ALDH18A1: variants seen among roughly 807,000 people sequenced by gnomAD.
The protein encoded by ALDH18A1 is aldehyde dehydrogenase 18 family member A1, also known as delta-1-pyrroline-5-carboxylate synthase.
In ALDH18A1, 44 loss-of-function variants were observed where a neutral mutation model predicts 88.8. The observed-to-expected ratio is 0.50, with a 90% CI of 0.39 to 0.64. The LOEUF (loss-of-function observed/expected upper bound fraction) is 0.64, where lower values mean the gene tolerates loss of function less well. Ranked by LOEUF, ALDH18A1 falls within the 30% of genes least tolerant of loss-of-function variation. The pLI, the probability that ALDH18A1 is intolerant of heterozygous loss-of-function variation, is 0.00. For missense variants in ALDH18A1, 782 were observed against 1,009.5 expected (o/e 0.77, Z 3.05); for synonymous variants, 331 against 372.1 (o/e 0.89, Z 1.27).
rs1239348462 is a variant in ALDH18A1, at chr10:95,627,524, G to GCCAA, written c.995_996insTTGG (p.Pro333TrpfsTer33). ...TGATGACGTGCCCAGACACCTTTGG[G>GCCAA]TGGGTTCCATTGGCAATAACAACAG... On this transcript the variant is annotated frameshift_variant, in exon 9 of 18. Transcript: ENST00000371224. LOFTEE classifies it high-confidence loss of function. 1 of 1,614,120 alleles carries GCCAA rather than the reference G, an allele frequency of 6.2e-7. No homozygotes were observed. Among genetic ancestry groups the GCCAA allele is most frequent in the Non-Finnish European group, 8.5e-7 (1 of 1,179,994 alleles).
Position 95,611,245 on chromosome 10 carries a change from T to C in ALDH18A1, c.2110+11A>G. On this transcript the variant is annotated intron_variant, in intron 16 of 17. Transcript: ENST00000371224. ...GCAGACACTGTATGCGGGAAGCATC[T>C]GGACACTGACCGTCCTCTGTGACGA... 2 of 1,613,652 alleles carry C rather than the reference T, an allele frequency of 1.2e-6. No homozygotes were observed. Among genetic ancestry groups the C allele is most frequent in the Non-Finnish European group, 1.7e-6 (2 of 1,179,912 alleles).
intron 11 of ALDH18A1, among the ~76,000 whole-genome samples, chr10:95,622,230 G>C (rs896908699): frequency 6.6e-6 from 1 of 152,098 alleles, no homozygotes; most frequent in African/African-American, 2.4e-5. Context: ...CAGGGTCTCA[G>C]TGTGCCGCCC....
intron 2 of ALDH18A1, 117 bp from the exon 3 acceptor site, chr10:95,643,323 T>C: frequency 9.8e-7 from 1 of 1,023,848 alleles, no homozygotes; most frequent in East Asian, 2.6e-5. Context: ...ATTATCATTA[T>C]TAACTGTGTA....
At position 95,628,425 on chromosome 10, in the gene ALDH18A1, C is replaced by T. The variant is rs1456575276; in HGVS notation, c.876G>A (p.Gln292=). The T allele has an allele frequency of 6.2e-7, 1 of 1,614,142 alleles. No homozygotes were observed. The highest frequency in any genetic ancestry group is 2.2e-5 in the East Asian group (1 of 44,888). The change falls in exon 8 of 18, where the codon CAG becomes CAA. Residue 292 remains glutamine, a synonymous_variant. Transcript: ENST00000371224. ...ACTTGGTTCCAAATGTCACAGACTG[C>T]TGATCTCCGGGATAAAATATATCAA... ...KLIDIFYPGD[Q]QSVTFGTKSR...
chr10:95,630,881 G>C (rs1291098526), intron 7 of ALDH18A1, among the ~76,000 whole-genome samples: 1 of 152,182 alleles, frequency 6.6e-6, no homozygotes, highest in African/African-American at 2.4e-5. Context: ...TTGACATGTA[G>C]GTGTCGTATC....
rs1353269310 is a variant in ALDH18A1, at chr10:95,614,030, G to T, written c.1737C>A (p.His579Gln). 6.2e-7 allele frequency: 1 copy of T among 1,614,052 alleles called. No individual in the cohort carries two copies. Among genetic ancestry groups the T allele is most frequent in the East Asian group, 2.2e-5 (1 of 44,892 alleles). ...CATACATGTGACAGATCCCTTCGCT[G>T]TGCCCCATCACTGGAATCCCCTTAG... is the stretch of plus-strand genomic sequence containing the variant. ...KAAKGIPVMGHSEGICHMYVD... is the reference protein window; with the variant it reads ...KAAKGIPVMGQSEGICHMYVD... Residue 579 changes from histidine (H) to glutamine (Q), a missense_variant, in exon 14 of 18, where the codon CAC becomes CAA. Transcript: ENST00000371224.
intron 7 of ALDH18A1, among the ~76,000 whole-genome samples, chr10:95,630,904 C>T (rs1436180487): frequency 1.3e-5 from 2 of 152,178 alleles, no homozygotes; most frequent in Non-Finnish European, 2.9e-5. Context: ...TGACTTTCCA[C>T]ATGGGCAGAG....
chr10:95,607,319 C>T (rs1001121871), intron 17 of ALDH18A1, among the ~76,000 whole-genome samples: 3 of 152,162 alleles, frequency 2.0e-5, no homozygotes, highest in Admixed American at 6.5e-5. Context: ...GTTTCACCTC[C>T]TCAAATACTC....
chr10:95,633,177 T>C, intron 6 of ALDH18A1, 128 bp from the exon 7 acceptor site: 2 of 839,652 alleles, frequency 2.4e-6, no homozygotes, highest in East Asian at 5.2e-5. Context: ...CCCAAATATG[T>C]AGATGACGGC....
At chr10:95,651,246 C>T (rs1418684989) in intron 2 of ALDH18A1, among the ~76,000 whole-genome samples, 1 of 152,120 alleles carries the variant, frequency 6.6e-6, no homozygotes, top group East Asian at 1.9e-4. Context: ...GGGAAAGGCA[C>T]ATTAAAGCCA....
chr10:95,626,783 G>C lies in ALDH18A1; in HGVS notation c.1079-7C>G. On this transcript the variant is annotated splice_region_variant and splice_polypyrimidine_tract_variant and intron_variant, in intron 9 of 17. Coordinates refer to ENST00000371224, the MANE Select transcript of ALDH18A1 (RefSeq NM_002860.4). ...TGCTGCTCAACAGTAGGGCCTGCAA[G>C]AATATGTGCAAATATCAGGTCATGG... 2 of 1,613,882 alleles carry C rather than the reference G, an allele frequency of 1.2e-6. No homozygotes were observed. The highest frequency in any genetic ancestry group is 1.7e-6 in the Non-Finnish European group (2 of 1,179,832).
chr10:95,635,383 A>G (rs2097878693), intron 5 of ALDH18A1, among the ~76,000 whole-genome samples: 1 of 152,208 alleles, frequency 6.6e-6, no homozygotes, highest in Admixed American at 6.5e-5. Flanking sequence ...TGGGGATCTC[A>G]GCATGAAGGT....
intron 1 of ALDH18A1, chr10:95,656,381 G>A (rs1184078759): frequency 6.6e-6 from 1 of 151,938 alleles, no homozygotes; most frequent in Non-Finnish European, 1.5e-5. Context: ...AGCGCGCCAC[G>A]GTCTTGCAGC....
chr10:95,615,622 G>C (rs2097842943), intron 13 of ALDH18A1, among the ~76,000 whole-genome samples: 1 of 152,146 alleles, frequency 6.6e-6, no homozygotes, highest in African/African-American at 2.4e-5. Flanking sequence ...GCTGGGATTT[G>C]AATCCCTAAA....
Position 95,606,694 on chromosome 10 carries a change from C to A in ALDH18A1, c.*68G>T, listed in dbSNP as rs2097823332. The A allele has an allele frequency of 1.2e-6, 2 of 1,613,060 alleles. No homozygotes were observed. Among genetic ancestry groups the A allele is most frequent in the East Asian group, 4.5e-5 (2 of 44,876 alleles). On this transcript the variant is annotated 3_prime_UTR_variant, in exon 18 of 18. Coordinates refer to ENST00000371224, the MANE Select transcript of ALDH18A1 (RefSeq NM_002860.4). ...AGGAACTGGGAGACAAGAGCGGGCT[C>A]TCTCCTGAGATAAGACAAGTTTAAC... is the stretch of plus-strand genomic sequence containing the variant.
chr10:95,620,995 T>C, intron 12 of ALDH18A1, 36 bp downstream of exon 12: 4 of 1,584,632 alleles, frequency 2.5e-6, no homozygotes, highest in East Asian at 2.2e-5. Flanking sequence ...CAGCCCCCAA[T>C]GGCAGGGTAT....
At chr10:95,628,573 A>G in intron 7 of ALDH18A1, 81 bp from the exon 8 acceptor site, 1 of 1,540,748 alleles carries the variant, frequency 6.5e-7, no homozygotes, top group Non-Finnish European at 8.8e-7. Context: ...CCTGCCAATC[A>G]CTCTGTACTT....
chr10:95,656,254 G>A (rs1220805167), intron 1 of ALDH18A1, among the ~76,000 whole-genome samples: 3 of 152,228 alleles, frequency 2.0e-5, no homozygotes, highest in African/African-American at 7.2e-5. Context: ...GGGGCCCGCG[G>A]ATGCCTGAAG....
intron 10 of ALDH18A1, 82 bp from the exon 11 acceptor site, chr10:95,625,537 T>A: frequency 8.2e-7 from 1 of 1,217,212 alleles, no homozygotes; most frequent in Non-Finnish European, 1.2e-6. Flanking sequence ...CCTACTCTTC[T>A]GAGAGTGCCA....
Sources: allele counts gnomAD v4.1 joint callset (sites outside exome capture counted in the v4.1 genomes callset), GRCh38; gene constraint gnomAD v4.1.1; transcripts MANE v1.5; gene names NCBI Gene and HGNC (gene_info 2026-07-23, HGNC 2026-07-21).